Variants in CUX2 observed in about 807,000 individuals in gnomAD.
CUX2 encodes homeobox protein cut-like 2.
CUX2 carries 40 observed loss-of-function variants against 144.8 expected under a neutral mutation model. The observed-to-expected ratio is 0.28, with a 90% confidence interval of 0.21 to 0.36. CUX2 has a LOEUF of 0.36. Among genes scored for constraint, CUX2 ranks in the 10% least tolerant of loss-of-function variants. The pLI is 1.00. For missense variants in CUX2, 1,615 were observed against 1,994.0 expected (o/e 0.81, Z 3.62); for synonymous variants, 827 against 875.6 (o/e 0.94, Z 0.98).
intron 1 of CUX2, among the ~76,000 whole-genome samples, chr12:111,174,005 G>T (rs1262152266): frequency 1.3e-5 from 2 of 152,188 alleles, no homozygotes; most frequent in African/African-American, 4.8e-5. Flanking sequence ...CAAATGAAGG[G>T]CCAGAGGGTG....
At chr12:111,093,494 G>GA (rs112495995) in intron 1 of CUX2, among the ~76,000 whole-genome samples, 144 of 144,230 alleles carry the variant, frequency 1.0e-3, no homozygotes, top group African/African-American at 1.7e-3. Context: ...TAAAAGTAGT[G>GA]AAAAAAAAAA....
intron 18 of CUX2, among the ~76,000 whole-genome samples, chr12:111,330,734 T>TATAC (rs1565926354): frequency 1.6e-4 from 9 of 54,856 alleles, no homozygotes; most frequent in African/African-American, 6.4e-4. Flanking sequence ...TATATATATA[T>TATAC]ATATATATAT....
intron 1 of CUX2, among the ~76,000 whole-genome samples, chr12:111,167,670 GT>G (rs1458280111): frequency 2.5e-5 from 3 of 122,126 alleles, no homozygotes; most frequent in Admixed American, 1.6e-4. Context: ...TTGGCCCTGG[GT>G]TTGTTTGTTT....
chr12:111,163,492 G>C (rs1214316277), intron 1 of CUX2, among the ~76,000 whole-genome samples: 1 of 152,166 alleles, frequency 6.6e-6, no homozygotes, highest in Non-Finnish European at 1.5e-5. Context: ...GTAACCCTAG[G>C]GCTGTCAGCA....
chr12:111,090,859 G>A (rs1371512553), intron 1 of CUX2, among the ~76,000 whole-genome samples: 1 of 151,848 alleles, frequency 6.6e-6, no homozygotes, highest in East Asian at 1.9e-4. Context: ...ACCAGTTTGA[G>A]GTCTCCTTCT....
At chr12:111,152,275 ACT>A (rs1413494022) in intron 1 of CUX2, among the ~76,000 whole-genome samples, 1 of 151,416 alleles carries the variant, frequency 6.6e-6, no homozygotes, top group Admixed American at 6.6e-5. Flanking sequence ...ACAGAGCAAG[ACT>A]CTGTCTCAAA....
chr12:111,312,795 C>T lies in CUX2; in HGVS notation c.2002+594C>T, dbSNP rs1055479462. On this transcript the variant is annotated intron_variant, in intron 16 of 21. Coordinates refer to ENST00000261726, the MANE Select transcript of CUX2 (RefSeq NM_015267.4). The surrounding 1 kb of genome is among the most constrained non-coding windows in gnomAD (Gnocchi z 4.3). ...GCCTGTCACATGAACTGTTCATAGT[C>T]ATGCCCAGCTGCCGTGCACTCCACC... Among the ~76,000 whole-genome samples, 9 of 152,194 alleles carry T rather than the reference C, an allele frequency of 5.9e-5. No homozygotes were observed. Among genetic ancestry groups the T allele is most frequent in the African/African-American group, 1.9e-4 (8 of 41,452 alleles).
intron 1 of CUX2, chr12:111,099,455 C>A: frequency 2.4e-6 from 1 of 422,132 alleles, no homozygotes. Flanking sequence ...GCCCGGAAAG[C>A]CAGGTTGGGT....
intron 1 of CUX2, among the ~76,000 whole-genome samples, chr12:111,154,663 C>T (rs1265468432): frequency 2.0e-5 from 3 of 152,128 alleles, no homozygotes; most frequent in African/African-American, 7.2e-5. Context: ...AATGGGACCT[C>T]GTGCCTGGGA....
intron 18 of CUX2, among the ~76,000 whole-genome samples, chr12:111,330,521 G>A (rs959499129): frequency 5.3e-5 from 8 of 151,076 alleles, no homozygotes; most frequent in African/African-American, 1.9e-4. Context: ...TCTTAGAGGT[G>A]TCATGAGGGT....
intron 16 of CUX2, among the ~76,000 whole-genome samples, chr12:111,316,985 G>A (rs992717743): frequency 1.4e-4 from 22 of 152,152 alleles, no homozygotes; most frequent in African/African-American, 5.3e-4. Context: ...CATATCATAT[G>A]TGCTACCTTG....
At chr12:111,340,439 C>T (rs924448357) in intron 20 of CUX2, among the ~76,000 whole-genome samples, 7 of 151,750 alleles carry the variant, frequency 4.6e-5, no homozygotes, top group Admixed American at 1.3e-4. Context: ...CTAGATGTGG[C>T]GGCTCATACC....
intron 3 of CUX2, among the ~76,000 whole-genome samples, chr12:111,226,293 C>G (rs966171686): frequency 9.2e-5 from 14 of 152,202 alleles, no homozygotes; most frequent in African/African-American, 3.4e-4. Flanking sequence ...ATGGTGCATG[C>G]TCCTTGGCTG....
chr12:111,040,680 C>T (rs554753627), intron 1 of CUX2, among the ~76,000 whole-genome samples: 2 of 152,150 alleles, frequency 1.3e-5, no homozygotes, highest in Admixed American at 6.5e-5. Flanking sequence ...GACCATAGAA[C>T]CCTCTCAGGG....
intron 1 of CUX2, among the ~76,000 whole-genome samples, chr12:111,108,209 G>T (rs1367754925): frequency 2.0e-5 from 3 of 152,180 alleles, no homozygotes; most frequent in African/African-American, 7.2e-5. Context: ...TGGGCTACAG[G>T]AGTGATGTTG....
intron 1 of CUX2, among the ~76,000 whole-genome samples, chr12:111,169,810 G>A (rs1878401059): frequency 6.6e-6 from 1 of 152,162 alleles, no homozygotes; most frequent in Admixed American, 6.5e-5. Context: ...CTTATGTATT[G>A]GGACAATTAT....
At chr12:111,082,477 T>C (rs1871950435) in intron 1 of CUX2, among the ~76,000 whole-genome samples, 1 of 152,142 alleles carries the variant, frequency 6.6e-6, no homozygotes, top group South Asian at 2.1e-4. Flanking sequence ...AGGACCGTGC[T>C]GGGCAAGTGT....
intron 1 of CUX2, among the ~76,000 whole-genome samples, chr12:111,114,641 T>C (rs964557026): frequency 2.0e-5 from 3 of 152,226 alleles, no homozygotes; most frequent in African/African-American, 7.2e-5. Context: ...TTTCAGTTTC[T>C]CAAGAAAATG....
chr12:111,314,542 A>G (rs1016550130), intron 16 of CUX2, among the ~76,000 whole-genome samples: 3 of 148,988 alleles, frequency 2.0e-5, no homozygotes, highest in African/African-American at 7.4e-5. Context: ...TTGGAGGCTG[A>G]GGCAGGAGAA....
Sources: allele counts gnomAD v4.1 joint callset (sites outside exome capture counted in the v4.1 genomes callset), GRCh38; gene constraint gnomAD v4.1.1; non-coding constraint Gnocchi (gnomAD v3.1); transcripts MANE v1.5; gene names NCBI Gene and HGNC (gene_info 2026-07-23, HGNC 2026-07-21).